Variants in CDH12 observed in about 807,000 individuals in gnomAD.
CDH12 encodes cadherin-12.
In CDH12, 41 loss-of-function variants were observed where a neutral mutation model predicts 74.1. The observed-to-expected ratio is 0.55, with a 90% CI of 0.43 to 0.72. The LOEUF is 0.72. Among genes scored for constraint, CDH12 ranks in the 30% least tolerant of loss-of-function variants. The pLI, the probability that CDH12 is intolerant of heterozygous loss-of-function variation, is 0.00. For synonymous variants in CDH12, 399 were observed against 355.0 expected, an observed-to-expected ratio of 1.12 and a Z score of -1.39; for missense variants, 945 against 977.2, an observed-to-expected ratio of 0.97 and a Z score of 0.44.
At chr5:22,663,459 T>C (rs1009425320) in intron 1 of CDH12, among the ~76,000 whole-genome samples, 27 of 152,210 alleles carry the variant, frequency 1.8e-4, no homozygotes, top group African/African-American at 6.0e-4. Context: ...CAGTTTACTT[T>C]CATATTGCTG....
At chr5:21,894,092 A>C (rs1382726041) in intron 6 of CDH12, among the ~76,000 whole-genome samples, 1 of 152,164 alleles carries the variant, frequency 6.6e-6, no homozygotes, top group African/African-American at 2.4e-5. Context: ...GAAAAGATAA[A>C]TATTGGCTGG....
At chr5:22,133,202 A>C (rs906008292) in intron 4 of CDH12, among the ~76,000 whole-genome samples, 7 of 152,086 alleles carry the variant, frequency 4.6e-5, no homozygotes, top group African/African-American at 1.7e-4. Context: ...ATATTTCTAG[A>C]GGTGCTTATT....
rs1226153094 is a variant in CDH12 at position 21,846,071 on chromosome 5, C to T, written c.647-3743G>A. Among the ~76,000 whole-genome samples the T allele has an allele frequency of 5.3e-5, 8 of 152,236 alleles. No individual in the cohort carries two copies. In the South Asian group the frequency reaches 1.2e-3, roughly 24 times the overall value. ...ACATGTACAGTAAAGAACTAGGCAA[C>T]GTGGCACTAGCCAGGTAGAGAACCC... is the stretch of plus-strand genomic sequence containing the variant. On this transcript the variant is annotated intron_variant, in intron 7 of 14. Coordinates refer to ENST00000382254, the MANE Select transcript of CDH12 (RefSeq NM_004061.5).
At chr5:22,742,815 T>C (rs1406143237) in intron 1 of CDH12, among the ~76,000 whole-genome samples, 2 of 151,710 alleles carry the variant, frequency 1.3e-5, no homozygotes, top group Non-Finnish European at 2.9e-5. Context: ...TGCATTCCAC[T>C]ATGTGGTGGT....
intron 2 of CDH12, among the ~76,000 whole-genome samples, chr5:22,489,283 T>C (rs1746753194): frequency 6.6e-6 from 1 of 151,616 alleles, no homozygotes; most frequent in African/African-American, 2.4e-5. Context: ...GGTCTCAATC[T>C]CCTGACCTCG....
chr5:22,719,734 C>T lies in CDH12; in HGVS notation c.-523+133324G>A, dbSNP rs371253158. The stretch of plus-strand genomic sequence containing the variant: ...GGAAAATAATCATAATTTATAGATC[C>T]TAAAATACTGTTCCTTATTTCACTT... On this transcript the variant is annotated intron_variant, in intron 1 of 14. Transcript: ENST00000382254. Among the ~76,000 whole-genome samples the T allele has an allele frequency of 9.0e-4, 137 of 152,184 alleles. 1 individual carries two copies. The highest frequency in any genetic ancestry group is 3.1e-3 in the African/African-American group (130 of 41,536).
intron 1 of CDH12, among the ~76,000 whole-genome samples, chr5:22,687,439 ACT>A (rs1330617269): frequency 1.3e-4 from 20 of 152,092 alleles, no homozygotes; most frequent in Non-Finnish European, 2.8e-4. Context: ...ACAGGGTCTC[ACT>A]CTGTTGCCCA....
chr5:22,576,051 A>C (rs1739774022), intron 1 of CDH12, among the ~76,000 whole-genome samples: 1 of 152,072 alleles, frequency 6.6e-6, no homozygotes, highest in Non-Finnish European at 1.5e-5. Flanking sequence ...ACATTTGGTA[A>C]ACAACTACTT....
chr5:21,869,692 T>A (rs1035082284), intron 6 of CDH12, among the ~76,000 whole-genome samples: 1 of 152,114 alleles, frequency 6.6e-6, no homozygotes, highest in African/African-American at 2.4e-5. Context: ...GGGGAAGGAA[T>A]TAAATTATTT....
intron 6 of CDH12, among the ~76,000 whole-genome samples, chr5:21,954,862 T>C (rs1397920160): frequency 6.6e-6 from 1 of 152,102 alleles, no homozygotes; most frequent in Non-Finnish European, 1.5e-5. Flanking sequence ...AAATAGAATT[T>C]ATCCCTCATT....
chr5:22,378,986 G>A (rs1477535851), intron 3 of CDH12, among the ~76,000 whole-genome samples: 1 of 151,982 alleles, frequency 6.6e-6, no homozygotes, highest in Non-Finnish European at 1.5e-5. Context: ...TGTTTCATAG[G>A]TTTGCCTGTT....
intron 4 of CDH12, among the ~76,000 whole-genome samples, chr5:22,194,738 A>G (rs908804155): frequency 6.6e-6 from 1 of 152,316 alleles, no homozygotes; most frequent in South Asian, 2.1e-4. Context: ...TAAAAAAGTA[A>G]TAAAAGGCAA....
At chr5:22,493,577 AT>A (rs5866569) in intron 2 of CDH12, among the ~76,000 whole-genome samples, 142,046 of 150,914 alleles carry the variant, frequency 0.94, 66,945 homozygotes, top group African/African-American at 0.98. Flanking sequence ...TTTTTGAAAA[AT>A]TTTTTTTTTT....
At chr5:22,698,161 G>T (rs1374686377) in intron 1 of CDH12, among the ~76,000 whole-genome samples, 2 of 102,478 alleles carry the variant, frequency 2.0e-5, no homozygotes, top group Admixed American at 1.5e-4. Context: ...CTATCTCGTT[G>T]CCCAGGCTGG....
At chr5:21,808,819 A>G (rs1747581341) in intron 9 of CDH12, among the ~76,000 whole-genome samples, 1 of 152,120 alleles carries the variant, frequency 6.6e-6, no homozygotes, top group Admixed American at 6.6e-5. Flanking sequence ...TATTTTATAT[A>G]AAAAAGCTGT....
At chr5:22,695,531 T>C (rs890947342) in intron 1 of CDH12, among the ~76,000 whole-genome samples, 2 of 152,184 alleles carry the variant, frequency 1.3e-5, no homozygotes. Flanking sequence ...ATTCCCTATT[T>C]AATAAATGGT....
At chr5:22,409,446 C>A (rs1223233113) in intron 2 of CDH12, among the ~76,000 whole-genome samples, 2 of 151,830 alleles carry the variant, frequency 1.3e-5, no homozygotes, top group African/African-American at 2.4e-5. Flanking sequence ...CAATTCAAAA[C>A]CAATTGAAAA....
chr5:22,248,249 A>C (rs1753024967), intron 3 of CDH12, among the ~76,000 whole-genome samples: 1 of 152,232 alleles, frequency 6.6e-6, no homozygotes, highest in South Asian at 2.1e-4. Context: ...CAGTGAGCCC[A>C]GATTGCACCA....
intron 2 of CDH12, among the ~76,000 whole-genome samples, chr5:22,477,119 T>C (rs1746199022): frequency 6.6e-6 from 1 of 152,202 alleles, no homozygotes. Context: ...GGAGTACAAG[T>C]GCAGGTTTGT....
Sources: allele counts gnomAD v4.1 joint callset (sites outside exome capture counted in the v4.1 genomes callset), GRCh38; gene constraint gnomAD v4.1.1; transcripts MANE v1.5; gene names NCBI Gene and HGNC (gene_info 2026-07-23, HGNC 2026-07-21).